Variants in USP37 observed in about 807,000 individuals in gnomAD.
USP37 encodes ubiquitin specific peptidase 37, also known as ubiquitin carboxyl-terminal hydrolase 37.
In USP37, 27 loss-of-function variants were observed where a neutral mutation model predicts 124.0. That is an observed-to-expected ratio of 0.22 (90% confidence interval 0.16 to 0.30). The LOEUF is 0.30. USP37 is among the 10% of genes least tolerant of loss of function. The pLI is 1.00. For missense variants in USP37, 889 were observed against 1,140.4 expected (o/e 0.78, Z 3.17); for synonymous variants, 365 against 388.0 (o/e 0.94, Z 0.70).
intron 10 of USP37, among the ~76,000 whole-genome samples, chr2:218,526,009 GGATAT>G (rs1254075382): frequency 1.3e-5 from 2 of 152,176 alleles, no homozygotes; most frequent in Non-Finnish European, 2.9e-5. Context: ...TCCCTGCAAA[GGATAT>G]GATCTCATTC....
chr2:218,560,146 A>G (rs1230584815), intron 3 of USP37, among the ~76,000 whole-genome samples: 1 of 152,238 alleles, frequency 6.6e-6, no homozygotes, highest in African/African-American at 2.4e-5. Flanking sequence ...TAAATATGCA[A>G]TCATTTAAAA....
In USP37 at chr2:218,558,193, A is replaced by C. The variant is rs145015027; in HGVS notation, c.156+305T>G. ...GTATGTTAAGGGGAAAAAAAGGAAG[A>C]ACTAAAATTATCTTAAAGTGGTTTT... On this transcript the variant is annotated intron_variant, in intron 4 of 25. Transcript: ENST00000258399. Among the ~76,000 whole-genome samples, 23 of 152,250 alleles carry C rather than the reference A, an allele frequency of 1.5e-4. 1 individual carries two copies. Among genetic ancestry groups the C allele is most frequent in the African/African-American group, 4.8e-4 (20 of 41,554 alleles).
intron 4 of USP37, among the ~76,000 whole-genome samples, chr2:218,554,585 A>T (rs1692853144): frequency 6.6e-6 from 1 of 152,048 alleles, no homozygotes; most frequent in Non-Finnish European, 1.5e-5. Flanking sequence ...CATCTCTACT[A>T]AAAAGACAAA....
chr2:218,466,445 C>G lies in USP37; in HGVS notation c.2300-269G>C, dbSNP rs570347221. ...GTTTAGCAGTGTTTCTGGCCTCTAC[C>G]TACTAGATATTAGTAGCATCCACCC... On this transcript the variant is annotated intron_variant, in intron 20 of 25. Coordinates refer to ENST00000258399, the MANE Select transcript of USP37 (RefSeq NM_020935.3). 6.6e-5 allele frequency among the ~76,000 whole-genome samples: 10 copies of G among 152,136 alleles called. No individual in the cohort carries two copies. The South Asian group carries it at 8.3e-4, about 13-fold the overall frequency.
Position 218,495,640 on chromosome 2 carries a change from T to C in USP37, c.1472+120A>G, listed in dbSNP as rs373780728. On this transcript the variant is annotated intron_variant, in intron 14 of 25. Transcript: ENST00000258399. Reference sequence around the variant, plus strand: ...CACTGCACCCAAGAGCCTAGGCAACTGTGTGAGACCCTGTCTTAAAAACAG... The same window carrying C: ...CACTGCACCCAAGAGCCTAGGCAACCGTGTGAGACCCTGTCTTAAAAACAG... The C allele has an allele frequency of 5.4e-6, 6 of 1,115,642 alleles. No homozygotes were observed. The African/African-American group carries it at 8.0e-5, about 15-fold the overall frequency. The allele number at this position is 1,115,642 out of a possible 1,614,324, so 69.1% of individuals were successfully genotyped here.
chr2:218,481,162 T>G (rs1691251712), intron 17 of USP37, among the ~76,000 whole-genome samples: 1 of 152,178 alleles, frequency 6.6e-6, no homozygotes. Context: ...AGGGGAACAC[T>G]CAAAGAAGTC....
At chr2:218,552,432 T>TAGG (rs1273406653) in intron 5 of USP37, among the ~76,000 whole-genome samples, 2 of 151,994 alleles carry the variant, frequency 1.3e-5, no homozygotes, top group African/African-American at 4.8e-5. Context: ...AAGATGGCTG[T>TAGG]AGGGCCAGGC....
chr2:218,459,832 C>T lies in USP37; in HGVS notation c.2601G>A (p.Glu867=). Residue 867 remains glutamate, a synonymous_variant, in exon 23 of 26, where the codon GAG becomes GAA. Coordinates refer to ENST00000258399, the MANE Select transcript of USP37 (RefSeq NM_020935.3). ...GTTCCTCAGCTTCAGCTTCTGTGTACTCCATATCAAAAACATCCTCATTTC... is the reference window on the plus strand; with the variant it reads ...GTTCCTCAGCTTCAGCTTCTGTGTATTCCATATCAAAAACATCCTCATTTC... ...DSGNEDVFDM[E]YTEAEAEELK... 1.2e-6 allele frequency: 2 copies of T among 1,613,954 alleles called. No homozygotes were observed. Among genetic ancestry groups the T allele is most frequent in the Non-Finnish European group, 1.7e-6 (2 of 1,179,920 alleles).
In USP37 at chr2:218,534,610, T is replaced by C; in HGVS notation, c.777A>G (p.Ser259=). The change falls in exon 9 of 26, where the codon TCA becomes TCG. Residue 259 remains serine, a splice_region_variant and synonymous_variant. Transcript: ENST00000258399. ...SLKQSEENRT[S]GLLPLQSSSF... ...TTTATTGTAAGATCAAACACTTACC[T>C]GATGTCCTATTCTCTTCTGACTGTT... The C allele has an allele frequency of 6.3e-7, 1 of 1,586,414 alleles. No homozygotes were observed. Among genetic ancestry groups the C allele is most frequent in the Non-Finnish European group, 8.6e-7 (1 of 1,166,056 alleles).
At chr2:218,512,439 C>G (rs1030911989) in intron 10 of USP37, among the ~76,000 whole-genome samples, 5 of 152,040 alleles carry the variant, frequency 3.3e-5, no homozygotes, top group African/African-American at 1.2e-4. Flanking sequence ...ACTTGGGAGA[C>G]AGAGGTTGCA....
At chr2:218,535,024 A>C (rs1037818884) in intron 8 of USP37, among the ~76,000 whole-genome samples, 3 of 152,218 alleles carry the variant, frequency 2.0e-5, no homozygotes, top group Admixed American at 1.3e-4. Flanking sequence ...GGCCAAAAGC[A>C]AGACCAGATA....
At chr2:218,505,595 G>A (rs1158964836) in intron 11 of USP37, among the ~76,000 whole-genome samples, 2 of 152,088 alleles carry the variant, frequency 1.3e-5, no homozygotes, top group Non-Finnish European at 2.9e-5. Flanking sequence ...CTTTCATTGA[G>A]TTTCTTGAAA....
In USP37 at chr2:218,492,279, G is replaced by A. The variant is rs576540722; in HGVS notation, c.1472+3481C>T. On this transcript the variant is annotated intron_variant, in intron 14 of 25. Coordinates refer to ENST00000258399, the MANE Select transcript of USP37 (RefSeq NM_020935.3). ...GAATTCAAAATAGAGGAAATGGTAA[G>A]TGCAAAGACTCTAAGGCACTATGAT... is the stretch of plus-strand genomic sequence containing the variant. Among the ~76,000 whole-genome samples, 88 of 152,212 alleles carry A rather than the reference G, an allele frequency of 5.8e-4. 1 individual carries two copies. Among genetic ancestry groups the A allele is most frequent in the Middle Eastern group, 6.8e-3 (2 of 294 alleles).
intron 20 of USP37, among the ~76,000 whole-genome samples, chr2:218,467,990 C>T (rs900523904): frequency 1.3e-5 from 2 of 151,008 alleles, no homozygotes; most frequent in Admixed American, 6.6e-5. Flanking sequence ...TAGGTTCAAG[C>T]GATTCTCCTG....
intron 5 of USP37, among the ~76,000 whole-genome samples, chr2:218,551,252 T>C (rs899228837): frequency 6.6e-6 from 1 of 152,228 alleles, no homozygotes; most frequent in Admixed American, 6.5e-5. Flanking sequence ...CTCTAGTCTC[T>C]GCAAAGTATA....
rs569465945 is a variant in USP37 at position 218,518,501 on chromosome 2, A to C, written c.864-8361T>G. On this transcript the variant is annotated intron_variant, in intron 10 of 25. Transcript: ENST00000258399. Reference sequence around the variant, plus strand: ...TCTAAGATACAACCAATTATAAGACATAACATTTATTTCAGGTAGTACTAA... The same window carrying C: ...TCTAAGATACAACCAATTATAAGACCTAACATTTATTTCAGGTAGTACTAA... Among the ~76,000 whole-genome samples the C allele has an allele frequency of 1.2e-4, 19 of 152,326 alleles. 1 individual carries two copies. In the South Asian group the frequency reaches 3.9e-3, roughly 32 times the overall value.
chr2:218,521,312 C>T (rs558415348), intron 10 of USP37, among the ~76,000 whole-genome samples: 84 of 152,226 alleles, frequency 5.5e-4, no homozygotes, highest in Admixed American at 1.5e-3. Flanking sequence ...CATTCCTTGC[C>T]TTTAGATCTA....
intron 8 of USP37, among the ~76,000 whole-genome samples, chr2:218,537,441 C>A (rs1449099511): frequency 6.6e-6 from 1 of 152,160 alleles, no homozygotes; most frequent in African/African-American, 2.4e-5. Context: ...TGAGTGAGGC[C>A]ATCCTAGACC....
At chr2:218,508,204 T>C (rs1689780569) in intron 11 of USP37, among the ~76,000 whole-genome samples, 1 of 152,190 alleles carries the variant, frequency 6.6e-6, no homozygotes, top group South Asian at 2.1e-4. Context: ...TTTGGAGGAT[T>C]TGTGAGGAAC....
Sources: allele counts gnomAD v4.1 joint callset (sites outside exome capture counted in the v4.1 genomes callset), GRCh38; gene constraint gnomAD v4.1.1; transcripts MANE v1.5; gene names NCBI Gene and HGNC (gene_info 2026-07-23, HGNC 2026-07-21).